SLC37A1: variants seen among roughly 807,000 people sequenced by gnomAD.
SLC37A1 encodes the protein solute carrier family 37 member 1, also known as glucose-6-phosphate exchanger SLC37A1.
SLC37A1 carries 49 observed loss-of-function variants against 75.3 expected under a neutral mutation model. That is an observed-to-expected ratio of 0.65 (90% CI 0.52 to 0.83). SLC37A1 has a LOEUF of 0.83. Among genes scored for constraint, SLC37A1 ranks in the 40% least tolerant of loss-of-function variants. The probability of loss-of-function intolerance (pLI) is 0.00; values close to 1 mark genes in which losing one functional copy is unlikely to be tolerated. For missense variants in SLC37A1, 566 were observed against 695.0 expected, an observed-to-expected ratio of 0.81 and a Z score of 2.09; for synonymous variants, 268 against 292.1, an observed-to-expected ratio of 0.92 and a Z score of 0.84.
Position 42,564,706 on chromosome 21 carries a change from A to C in SLC37A1, c.1136-2A>C, listed in dbSNP as rs1295688299. ...TGCCTGAAGCCCGCCTCTCCGTTGC[A>C]GGTGGGATCCTGGCAGGTGTGATCT... On this transcript the variant is annotated splice_acceptor_variant, in intron 13 of 19. Transcript: ENST00000352133. LOFTEE classifies it high-confidence loss of function. 1.2e-6 allele frequency: 2 copies of C among 1,611,054 alleles called. No homozygotes were observed. Among genetic ancestry groups the C allele is most frequent in the Non-Finnish European group, 1.7e-6 (2 of 1,179,688 alleles).
Position 42,575,727 on chromosome 21 carries a change from A to G in SLC37A1, c.1521+812A>G, listed in dbSNP as rs899582738. The stretch of plus-strand genomic sequence containing the variant: ...TGAGTTGAGAATTTCAGAAATATCA[A>G]CTCACTCAATTAAATGAAAGTCTTA... On this transcript the variant is annotated intron_variant, in intron 18 of 19. Transcript: ENST00000352133. 1.7e-5 allele frequency: 17 copies of G among 985,252 alleles called. No individual in the cohort carries two copies. In the South Asian group the frequency reaches 8.0e-4, roughly 46 times the overall value. The allele number at this position is 985,252 out of a possible 1,614,324, so 61.0% of individuals were successfully genotyped here.
intron 2 of SLC37A1, among the ~76,000 whole-genome samples, chr21:42,522,415 C>T (rs1025573249): frequency 2.0e-5 from 3 of 152,190 alleles, no homozygotes; most frequent in African/African-American, 4.8e-5. Context: ...CAGAGTGAAG[C>T]GTCTGCCTAC....
chr21:42,530,654 A>ACACACCCCCCCCCCC (rs1161313598), intron 3 of SLC37A1, among the ~76,000 whole-genome samples: 1 of 35,880 alleles, frequency 2.8e-5, no homozygotes, highest in Non-Finnish European at 5.2e-5. Flanking sequence ...ACACACACAC[A>ACACACCCCCCCCCCC]CCCCCTCTGT....
At chr21:42,539,675 T>C (rs542233283) in intron 6 of SLC37A1, 28 bp downstream of exon 6, 14 of 1,598,302 alleles carry the variant, frequency 8.8e-6, no homozygotes, top group African/African-American at 4.0e-5. Context: ...TGGCTCACCA[T>C]GTACGGGGTT....
intron 3 of SLC37A1, among the ~76,000 whole-genome samples, chr21:42,530,655 C>CACACACACACACACACACACACACACACA (rs1491531929): frequency 3.9e-5 from 1 of 25,880 alleles, no homozygotes; most frequent in Non-Finnish European, 1.0e-4. Flanking sequence ...CACACACACA[C>CACACACACACACACACACACACACACACA]CCCCTCTGTG....
At chr21:42,527,843 T>C (rs545195133) in intron 3 of SLC37A1, among the ~76,000 whole-genome samples, 1 of 152,328 alleles carries the variant, frequency 6.6e-6, no homozygotes, top group Admixed American at 6.5e-5. Flanking sequence ...CCTGTGGGTT[T>C]CTTTACCTTT....
chr21:42,541,987 C>T (rs1169902582), intron 6 of SLC37A1, among the ~76,000 whole-genome samples: 2 of 152,202 alleles, frequency 1.3e-5, no homozygotes, highest in African/African-American at 4.8e-5. Context: ...AGAGACCCTC[C>T]TGCATTGGTC....
At chr21:42,504,438 G>A (rs974896844) in intron 2 of SLC37A1, among the ~76,000 whole-genome samples, 47 of 152,128 alleles carry the variant, frequency 3.1e-4, no homozygotes, top group African/African-American at 9.7e-4. Context: ...GGACATCGAG[G>A]TATGTGTTTA....
Position 42,530,650 on chromosome 21 carries a change from A to ACC in SLC37A1, c.139-4047_139-4046insCC, listed in dbSNP as rs1460499515. 3.3e-3 allele frequency among the ~76,000 whole-genome samples: 85 copies of ACC among 25,598 alleles called. 2 individuals are homozygous for ACC. The highest frequency in any genetic ancestry group is 4.4e-3 in the Non-Finnish European group (52 of 11,952). The allele number at this position is 25,598 out of a possible 152,430, so 16.8% of individuals were successfully genotyped here. On this transcript the variant is annotated intron_variant, in intron 3 of 19. Coordinates refer to ENST00000352133, the MANE Select transcript of SLC37A1 (RefSeq NM_001320537.2). ...CACACACACACACACACACACACAC[A>ACC]CACACCCCCTCTGTGTTGGCTGAAG...
intron 2 of SLC37A1, among the ~76,000 whole-genome samples, chr21:42,503,174 G>GATAAGAGAATGA (rs2054355276): frequency 6.6e-6 from 1 of 151,402 alleles, no homozygotes; most frequent in Non-Finnish European, 1.5e-5. Flanking sequence ...ACAAATGTTG[G>GATAAGAGAATGA]ATAAGAGAAT....
rs1049026881 is a variant in SLC37A1, at chr21:42,518,521, G to A, written c.56+11G>A. The A allele has an allele frequency of 4.3e-6, 7 of 1,614,158 alleles. No individual in the cohort carries two copies. Among genetic ancestry groups the A allele is most frequent in the Non-Finnish European group, 2.5e-6 (3 of 1,180,014 alleles). ...CTCCAGGGATCAGTGGTGAGTCCTG[G>A]TGGGGCAGGCCCTTGGCATGGAGCT... is the stretch of plus-strand genomic sequence containing the variant. On this transcript the variant is annotated intron_variant, in intron 2 of 19. Coordinates refer to ENST00000352133, the MANE Select transcript of SLC37A1 (RefSeq NM_001320537.2).
intron 6 of SLC37A1, 143 bp from the exon 7 acceptor site, chr21:42,542,261 T>C (rs2055301665): frequency 5.1e-6 from 3 of 590,686 alleles, no homozygotes; most frequent in Non-Finnish European, 6.1e-6. Flanking sequence ...GTTTAAACTG[T>C]ATATAAATAT....
intron 15 of SLC37A1, among the ~76,000 whole-genome samples, chr21:42,566,138 C>A (rs375364995): frequency 2.0e-4 from 30 of 152,338 alleles, no homozygotes; most frequent in African/African-American, 7.2e-4. Flanking sequence ...TGGCCCTGGG[C>A]ACTCAGTGGA....
chr21:42,558,624 G>A (rs549965112), intron 10 of SLC37A1, among the ~76,000 whole-genome samples: 6 of 152,222 alleles, frequency 3.9e-5, no homozygotes, highest in South Asian at 2.1e-4. Flanking sequence ...GATGTCATTC[G>A]TATGGATGTA....
At chr21:42,510,009 G>A (rs2054419675), upstream of SLC37A1, among the ~76,000 whole-genome samples, 1 of 152,164 alleles carries the variant, frequency 6.6e-6, no homozygotes, top group African/African-American at 2.4e-5. Flanking sequence ...TAAGTTGATG[G>A]CATACAAGTT....
Position 42,559,039 on chromosome 21 carries a change from G to A in SLC37A1, c.931G>A (p.Gly311Ser), listed in dbSNP as rs780255445. Residue 311 changes from glycine to serine, a missense_variant, in exon 11 of 20, where the codon GGT becomes AGT. Coordinates refer to ENST00000352133, the MANE Select transcript of SLC37A1 (RefSeq NM_001320537.2). ...PNHVVILPGD[G>S]GSGTAAISFT... ...CCACGTCGTCATTCTCCCCGGGGAC[G>A]GTGGGAGTGGCACGGCCGCCATCAG... is the stretch of plus-strand genomic sequence containing the variant. The A allele has an allele frequency of 2.4e-5, 39 of 1,613,556 alleles. No homozygotes were observed. Among genetic ancestry groups the A allele is most frequent in the East Asian group, 2.2e-4 (10 of 44,824 alleles).
chr21:42,533,529 C>T (rs1335546503), intron 3 of SLC37A1, among the ~76,000 whole-genome samples: 3 of 152,178 alleles, frequency 2.0e-5, no homozygotes, highest in Admixed American at 6.5e-5. Flanking sequence ...TGTTGTTCCT[C>T]TTCCCAAGGA....
At chr21:42,563,996 C>G (rs2055903993) in intron 13 of SLC37A1, 119 bp downstream of exon 13, 2 of 1,176,658 alleles carry the variant, frequency 1.7e-6, no homozygotes, top group Admixed American at 2.0e-5. Context: ...CTGAGTGGGC[C>G]CAGCCCAAGA....
At position 42,558,950 on chromosome 21, in the gene SLC37A1, G is replaced by A. The variant is rs757291608; in HGVS notation, c.850-8G>A. The stretch of plus-strand genomic sequence containing the variant: ...TTTCCTTTTTGTTCCCAATGGATTT[G>A]CCTCCAGGACCCAGAGATGCAGTGC... On this transcript the variant is annotated splice_region_variant and splice_polypyrimidine_tract_variant and intron_variant, in intron 10 of 19. Coordinates refer to ENST00000352133, the MANE Select transcript of SLC37A1 (RefSeq NM_001320537.2). 2 of 1,613,710 alleles carry A rather than the reference G, an allele frequency of 1.2e-6. No homozygotes were observed. Among genetic ancestry groups the A allele is most frequent in the Non-Finnish European group, 1.7e-6 (2 of 1,179,910 alleles).
Sources: gnomAD v4.1 joint callset for allele counts (sites outside exome capture counted in the v4.1 genomes callset) on GRCh38, gnomAD v4.1.1 for gene constraint, MANE v1.5 for transcripts, NCBI Gene and HGNC (gene_info 2026-07-23, HGNC 2026-07-21) for gene names.